Variants in ARHGAP12 observed in about 807,000 individuals in gnomAD.
ARHGAP12 encodes the protein rho GTPase-activating protein 12.
Under a neutral mutation model 108.6 loss-of-function variants are expected in ARHGAP12, and 64 were observed. The ratio of observed to expected loss-of-function variants is 0.59; its 90% confidence interval spans 0.48 to 0.73. The LOEUF is 0.73. ARHGAP12 is among the 30% of genes least tolerant of loss of function. The pLI is 0.00. For missense variants in ARHGAP12, 940 were observed against 1,005.9 expected (o/e 0.93, Z 0.89); for synonymous variants, 312 against 337.2 (o/e 0.93, Z 0.82).
chr10:31,830,722 A>G (rs1405403070), intron 10 of ARHGAP12, among the ~76,000 whole-genome samples: 1 of 152,240 alleles, frequency 6.6e-6, no homozygotes, highest in Non-Finnish European at 1.5e-5. Context: ...ACTACACATT[A>G]ACCAAAAAAT....
At chr10:31,829,252 T>C (rs1324836253) in intron 10 of ARHGAP12, among the ~76,000 whole-genome samples, 4 of 152,132 alleles carry the variant, frequency 2.6e-5, no homozygotes, top group African/African-American at 9.7e-5. Flanking sequence ...GTTATACATA[T>C]AACATATCAT....
intron 3 of ARHGAP12, among the ~76,000 whole-genome samples, chr10:31,881,980 T>A (rs538999743): frequency 6.6e-5 from 10 of 150,594 alleles, no homozygotes; most frequent in Admixed American, 3.3e-4. Flanking sequence ...AGTGGCTGGA[T>A]CTCGGCTCAC....
At chr10:31,854,285 T>C (rs1298445188) in intron 4 of ARHGAP12, 79 bp from the exon 5 acceptor site, 1 of 1,238,874 alleles carries the variant, frequency 8.1e-7, no homozygotes, top group Non-Finnish European at 1.1e-6. Context: ...TAAATAAATT[T>C]TACTTGACTA....
intron 7 of ARHGAP12, among the ~76,000 whole-genome samples, chr10:31,842,468 T>C (rs531365821): frequency 1.3e-5 from 2 of 152,112 alleles, no homozygotes; most frequent in Non-Finnish European, 2.9e-5. Context: ...AACTAGAAAC[T>C]GGTCTGTTAC....
chr10:31,812,286 C>T (rs1335629264), intron 15 of ARHGAP12, among the ~76,000 whole-genome samples: 1 of 151,964 alleles, frequency 6.6e-6, no homozygotes, highest in South Asian at 2.1e-4. Context: ...TAGAAAAAAA[C>T]ACCTTATGCT....
chr10:31,867,455 C>T (rs1181178944), intron 3 of ARHGAP12, among the ~76,000 whole-genome samples: 1 of 152,134 alleles, frequency 6.6e-6, no homozygotes, highest in Non-Finnish European at 1.5e-5. Context: ...ATAAAAAATA[C>T]TTAGCATAAA....
At chr10:31,911,989 C>T (rs1839368647) in intron 1 of ARHGAP12, among the ~76,000 whole-genome samples, 1 of 152,104 alleles carries the variant, frequency 6.6e-6, no homozygotes, top group Non-Finnish European at 1.5e-5. Flanking sequence ...AAATGTATTC[C>T]CATCTCTACC....
chr10:31,887,183 T>G (rs987969400), intron 3 of ARHGAP12, among the ~76,000 whole-genome samples: 1 of 152,162 alleles, frequency 6.6e-6, no homozygotes, highest in Non-Finnish European at 1.5e-5. Context: ...TCCAGGGAAG[T>G]GTTGCAGTTT....
At chr10:31,906,865 T>C (rs754334023) in intron 3 of ARHGAP12, among the ~76,000 whole-genome samples, 2 of 152,182 alleles carry the variant, frequency 1.3e-5, no homozygotes, top group Non-Finnish European at 2.9e-5. Flanking sequence ...CTAAGGCCCA[T>C]TAGTTCCCTG....
rs1839220753 is a variant in ARHGAP12 at position 31,908,357 on chromosome 10, T to C, written c.499A>G (p.Lys167Glu). ...CGTGTCCTATTCTGGCTGGAAACTT[T>C]AGGAGAATGTGAGTCATTGTTAAAC... ...GKFNNDSHSP[K>E]VSSQNRTRSF... The change falls in exon 3 of 20, where the codon AAA becomes GAA. Residue 167 changes from lysine (K) to glutamate (E), a missense_variant. Physicochemically the swap from Lys to Glu is moderately conservative, Grantham distance 56 (BLOSUM62 1). Transcript: ENST00000344936. 1 of 1,614,222 alleles carries C rather than the reference T, an allele frequency of 6.2e-7. No homozygotes were observed. The highest frequency in any genetic ancestry group is 8.5e-7 in the Non-Finnish European group (1 of 1,180,048).
intron 3 of ARHGAP12, among the ~76,000 whole-genome samples, chr10:31,905,803 G>A (rs1389589221): frequency 6.7e-6 from 1 of 149,154 alleles, no homozygotes; most frequent in Non-Finnish European, 1.5e-5. Flanking sequence ...GGGAAAAGAG[G>A]ACTGTTGATA....
At chr10:31,923,967 A>G (rs189043714) in intron 1 of ARHGAP12, among the ~76,000 whole-genome samples, 1 of 152,126 alleles carries the variant, frequency 6.6e-6, no homozygotes, top group Non-Finnish European at 1.5e-5. Context: ...GTATTTTTTT[A>G]AAAAAACTGT....
At chr10:31,851,897 T>C (rs1222321597) in intron 6 of ARHGAP12, among the ~76,000 whole-genome samples, 1 of 152,210 alleles carries the variant, frequency 6.6e-6, no homozygotes, top group African/African-American at 2.4e-5. Flanking sequence ...ATTAAAATAA[T>C]GCACCAATTA....
At chr10:31,855,236 T>G (rs1415130597) in intron 4 of ARHGAP12, among the ~76,000 whole-genome samples, 3 of 151,736 alleles carry the variant, frequency 2.0e-5, no homozygotes, top group Non-Finnish European at 2.9e-5. Context: ...ACTGGGAAAA[T>G]TTAGAAACTT....
intron 1 of ARHGAP12, among the ~76,000 whole-genome samples, chr10:31,917,494 A>C (rs892218988): frequency 1.3e-5 from 2 of 152,244 alleles, no homozygotes; most frequent in Non-Finnish European, 2.9e-5. Context: ...TTCTAGAAGA[A>C]AAACATTCAC....
At chr10:31,914,842 C>A (rs1214144073) in intron 1 of ARHGAP12, among the ~76,000 whole-genome samples, 1 of 152,208 alleles carries the variant, frequency 6.6e-6, no homozygotes, top group Non-Finnish European at 1.5e-5. Flanking sequence ...TGCACTCCCA[C>A]ATTTACTGCA....
At chr10:31,915,138 G>A (rs1399447524) in intron 1 of ARHGAP12, among the ~76,000 whole-genome samples, 1 of 152,212 alleles carries the variant, frequency 6.6e-6, no homozygotes, top group Non-Finnish European at 1.5e-5. Flanking sequence ...TGTAATCCCA[G>A]CACTTTGGGA....
At chr10:31,853,954 A>G in intron 5 of ARHGAP12, 112 bp downstream of exon 5, 1 of 1,129,210 alleles carries the variant, frequency 8.9e-7, no homozygotes, top group South Asian at 1.7e-5. Context: ...TAAAGTTACA[A>G]TGAAGAATAT....
At chr10:31,818,425 TTAAG>T (rs1305098008) in intron 12 of ARHGAP12, among the ~76,000 whole-genome samples, 3 of 152,192 alleles carry the variant, frequency 2.0e-5, no homozygotes, top group Non-Finnish European at 4.4e-5. Context: ...TATTACTAAA[TTAAG>T]TGTCAGATCA....
Sources: allele counts gnomAD v4.1 joint callset (sites outside exome capture counted in the v4.1 genomes callset), GRCh38; gene constraint gnomAD v4.1.1; transcripts MANE v1.5; gene names NCBI Gene and HGNC (gene_info 2026-07-23, HGNC 2026-07-21).